DNAAF5: variants seen among roughly 807,000 people sequenced by gnomAD.
The protein encoded by DNAAF5 is HEAT repeat containing 2.
A neutral mutation model predicts 75.8 loss-of-function variants in DNAAF5; 64 were observed. The ratio of observed to expected loss-of-function variants is 0.84; its 90% CI spans 0.69 to 1.04. The LOEUF is 1.04. Ranked by LOEUF, DNAAF5 falls within the 50% of genes least tolerant of loss-of-function variation. DNAAF5 has a pLI of 0.00. For missense variants in DNAAF5, 1,269 were observed against 1,178.5 expected (o/e 1.08, Z -1.12); for synonymous variants, 657 against 557.2 (o/e 1.18, Z -2.52).
intron 1 of DNAAF5, among the ~76,000 whole-genome samples, chr7:728,735 G>A (rs565483383): frequency 6.6e-6 from 1 of 152,320 alleles, no homozygotes; most frequent in Admixed American, 6.5e-5. Context: ...AGCGCAGCCT[G>A]CTGGGGTATG....
At chr7:782,742 ACGCAGCGTCAGAAACTCGATC>A (rs1779013330) in intron 12 of DNAAF5, among the ~76,000 whole-genome samples, 1 of 115,882 alleles carries the variant, frequency 8.6e-6, no homozygotes, top group Non-Finnish European at 1.7e-5. Flanking sequence ...GCCTCCCGTC[ACGCAGCGTCAGAAACTCGATC>A]TTCCTGGCGT....
chr7:781,803 G>A (rs1778955692), intron 12 of DNAAF5, among the ~76,000 whole-genome samples: 1 of 152,226 alleles, frequency 6.6e-6, no homozygotes, highest in Non-Finnish European at 1.5e-5. Flanking sequence ...TTTGAGAGCT[G>A]TCTGTTCAGG....
intron 4 of DNAAF5, among the ~76,000 whole-genome samples, chr7:744,969 C>T (rs539966367): frequency 7.2e-5 from 11 of 152,324 alleles, no homozygotes; most frequent in African/African-American, 2.4e-4. Flanking sequence ...GTTGAACTCA[C>T]ACTCTTGTCT....
intron 11 of DNAAF5, among the ~76,000 whole-genome samples, chr7:777,998 C>T (rs1434877929): frequency 2.0e-5 from 3 of 152,266 alleles, no homozygotes; most frequent in African/African-American, 4.8e-5. Context: ...CAGAATCTTC[C>T]AGAACTGGAG....
intron 4 of DNAAF5, among the ~76,000 whole-genome samples, chr7:744,582 T>C (rs1446423394): frequency 6.6e-6 from 1 of 152,072 alleles, no homozygotes; most frequent in Non-Finnish European, 1.5e-5. Flanking sequence ...ATCAGAGAAA[T>C]GCAAATCAAA....
intron 8 of DNAAF5, chr7:769,056 C>G: frequency 1.5e-6 from 1 of 676,424 alleles, no homozygotes; most frequent in Admixed American, 2.0e-5. Flanking sequence ...ACCGCGAGGC[C>G]TGACTTCGAG....
Position 785,711 on chromosome 7 carries a change from C to T in DNAAF5, c.*58C>T. 4 of 1,584,548 alleles carry T rather than the reference C, an allele frequency of 2.5e-6. No homozygotes were observed. Among genetic ancestry groups the T allele is most frequent in the East Asian group, 2.3e-5 (1 of 44,408 alleles). On this transcript the variant is annotated 3_prime_UTR_variant, in exon 13 of 13. Coordinates refer to ENST00000297440, the MANE Select transcript of DNAAF5 (RefSeq NM_017802.4). ...CCCCACCTGAGCCAGAGTTTGTGGC[C>T]TTTAAATCTCATAAACAAGGCACCT...
chr7:770,714 C>T, intron 9 of DNAAF5, 96 bp downstream of exon 9: 2 of 1,167,632 alleles, frequency 1.7e-6, no homozygotes, highest in Non-Finnish European at 2.4e-6. Context: ...AAGGGGGTTC[C>T]CACCTCCTTC....
At position 770,131 on chromosome 7, in the gene DNAAF5, T is replaced by C. The variant is rs111719217; in HGVS notation, c.1784-340T>C. Among the ~76,000 whole-genome samples the C allele has an allele frequency of 2.3e-3, 345 of 152,098 alleles. 1 individual carries two copies. The highest frequency in any genetic ancestry group is 7.9e-3 in the African/African-American group (328 of 41,482). On this transcript the variant is annotated intron_variant, in intron 8 of 12. Coordinates refer to ENST00000297440, the MANE Select transcript of DNAAF5 (RefSeq NM_017802.4). The stretch of plus-strand genomic sequence containing the variant: ...CATGCTAGGGTAATTTTTGTATTTT[T>C]AGTGGAGATGGGGTTTCACCATGTT...
chr7:770,753 C>T (rs1778535226), intron 9 of DNAAF5, 135 bp downstream of exon 9: 1 of 790,254 alleles, frequency 1.3e-6, no homozygotes, highest in African/African-American at 1.7e-5. Flanking sequence ...AAGGGGTTCC[C>T]CATCTCCCTC....
intron 2 of DNAAF5, among the ~76,000 whole-genome samples, chr7:737,268 G>C (rs1781768161): frequency 6.6e-6 from 1 of 151,918 alleles, no homozygotes. Flanking sequence ...GCTAATTTTT[G>C]TATTTTTAGT....
At chr7:761,443 C>T (rs1782640548) in intron 6 of DNAAF5, among the ~76,000 whole-genome samples, 1 of 152,246 alleles carries the variant, frequency 6.6e-6, no homozygotes, top group Non-Finnish European at 1.5e-5. Flanking sequence ...GCTTAATGGA[C>T]TCAAAGTTCC....
intron 10 of DNAAF5, 132 bp downstream of exon 10, chr7:774,330 G>A: frequency 2.1e-6 from 2 of 970,910 alleles, no homozygotes; most frequent in East Asian, 2.8e-5. Context: ...CGTACCCCAA[G>A]AGGCTCTCCC....
chr7:774,290 C>A, intron 10 of DNAAF5, 92 bp downstream of exon 10: 1 of 1,326,968 alleles, frequency 7.5e-7, no homozygotes, highest in Non-Finnish European at 1.0e-6. Flanking sequence ...GGAACTTGGG[C>A]AGGCAGCAGC....
chr7:774,907 C>A, intron 10 of DNAAF5, 99 bp from the exon 11 acceptor site: 1 of 979,442 alleles, frequency 1.0e-6, no homozygotes, highest in Non-Finnish European at 1.6e-6. Context: ...AGCTTTCAAG[C>A]CCCCTAAGTC....
intron 6 of DNAAF5, among the ~76,000 whole-genome samples, chr7:761,181 C>A (rs1782631072): frequency 6.6e-6 from 1 of 152,240 alleles, no homozygotes; most frequent in African/African-American, 2.4e-5. Context: ...AGCTCCCAGT[C>A]TGTGTTCAGT....
chr7:740,401 C>T (rs936130954), intron 2 of DNAAF5, among the ~76,000 whole-genome samples: 3 of 152,208 alleles, frequency 2.0e-5, no homozygotes, highest in African/African-American at 7.2e-5. Context: ...CTTGCTGTAG[C>T]CACGGCTCAC....
chr7:777,723 TCA>T (rs1469725685), intron 11 of DNAAF5, among the ~76,000 whole-genome samples: 5 of 152,182 alleles, frequency 3.3e-5, no homozygotes, highest in Non-Finnish European at 7.3e-5. Flanking sequence ...CATCGGAACT[TCA>T]CACTCTGTGT....
At chr7:785,369 G>A (rs994034340) in intron 12 of DNAAF5, 148 bp from the exon 13 acceptor site, 1 of 833,776 alleles carries the variant, frequency 1.2e-6, no homozygotes, top group African/African-American at 1.7e-5. Flanking sequence ...TCCGCATTGT[G>A]ACTACTGTAT....
Sources: allele counts gnomAD v4.1 joint callset (sites outside exome capture counted in the v4.1 genomes callset), GRCh38; gene constraint gnomAD v4.1.1; transcripts MANE v1.5; gene names NCBI Gene and HGNC (gene_info 2026-07-23, HGNC 2026-07-21).